ZNF8: variants seen among roughly 807,000 people sequenced by gnomAD.
The protein encoded by ZNF8 is zinc finger protein 272.
A neutral mutation model predicts 12.2 loss-of-function variants in ZNF8; 9 were observed. The observed-to-expected ratio is 0.73, with a 90% CI of 0.44 to 1.28. The LOEUF (loss-of-function observed/expected upper bound fraction) is 1.28. ZNF8 is among the 50% of genes most tolerant of loss of function. The probability of loss-of-function intolerance (pLI) is 0.00; values close to 1 mark genes in which losing one functional copy is unlikely to be tolerated. For synonymous variants in ZNF8, 274 were observed against 282.3 expected, an observed-to-expected ratio of 0.97 and a Z score of 0.30; for missense variants, 664 against 729.1, an observed-to-expected ratio of 0.91 and a Z score of 1.03.
intron 1 of ZNF8, among the ~76,000 whole-genome samples, chr19:58,283,675 C>A (rs945753954): frequency 3.4e-5 from 5 of 149,020 alleles, no homozygotes; most frequent in Admixed American, 6.8e-5. Context: ...TCTTGACTCA[C>A]TGCAAGCTCT....
At chr19:58,291,272 G>C (rs2051417930) in intron 3 of ZNF8, among the ~76,000 whole-genome samples, 1 of 152,092 alleles carries the variant, frequency 6.6e-6, no homozygotes, top group Admixed American at 6.5e-5. Context: ...TTCATCAACT[G>C]CTCACCCTCT....
intron 1 of ZNF8, 65 bp downstream of exon 1, chr19:58,279,212 C>A (rs777033411): frequency 1.9e-6 from 3 of 1,538,832 alleles, no homozygotes; most frequent in East Asian, 2.4e-5. Context: ...CAGACTGACC[C>A]TTTCACCTCG....
intron 1 of ZNF8, among the ~76,000 whole-genome samples, chr19:58,285,053 C>T (rs1412795528): frequency 6.6e-6 from 1 of 152,124 alleles, no homozygotes; most frequent in Non-Finnish European, 1.5e-5. Flanking sequence ...CTTAAACTGG[C>T]CCACTTCTGT....
Position 58,294,630 on chromosome 19 carries a change from G to A in ZNF8, c.822G>A (p.Val274=). The change falls in exon 4 of 4, where the codon GTG becomes GTA. Residue 274 remains valine (V), a synonymous_variant. Coordinates refer to ENST00000621650, the MANE Select transcript of ZNF8 (RefSeq NM_021089.3). This position sits in a 1 kb window ranked among gnomAD's most constrained non-coding sequence, Gnocchi z 5.5. Reference sequence around the variant, plus strand: ...TTAACCATAACGCACACCTCACCGTGCACAAGAGGATTCATACGGGAGAAA... The same window carrying A: ...TTAACCATAACGCACACCTCACCGTACACAAGAGGATTCATACGGGAGAAA... The part of the protein sequence containing the change: ...KSFNHNAHLT[V]HKRIHTGERP... The A allele has an allele frequency of 1.2e-6, 2 of 1,614,164 alleles. No individual in the cohort carries two copies. The highest frequency in any genetic ancestry group is 8.5e-7 in the Non-Finnish European group (1 of 1,180,042).
chr19:58,289,594 C>CCAGAGGAAATG (rs1402308676), intron 3 of ZNF8, among the ~76,000 whole-genome samples: 2 of 151,958 alleles, frequency 1.3e-5, no homozygotes, highest in African/African-American at 4.8e-5. Context: ...CTGACGGCGC[C>CCAGAGGAAATG]CAGAGAGAAT....
chr19:58,279,595 C>G lies in ZNF8; in HGVS notation c.66+448C>G, dbSNP rs1198041204. 3.3e-6 allele frequency: 5 copies of G among 1,533,790 alleles called. No individual in the cohort carries two copies. In the Middle Eastern group the frequency reaches 6.1e-4, roughly 188 times the overall value. The stretch of plus-strand genomic sequence containing the variant: ...GGAGTCAGCGGACACCCACCGGGAC[C>G]CCAGCACCGCGGAGCCCCTGCCCTG... On this transcript the variant is annotated intron_variant, in intron 1 of 3. Coordinates refer to ENST00000621650, the MANE Select transcript of ZNF8 (RefSeq NM_021089.3).
At chr19:58,285,159 T>G (rs1209067036) in intron 1 of ZNF8, among the ~76,000 whole-genome samples, 1 of 150,106 alleles carries the variant, frequency 6.7e-6, no homozygotes, top group Non-Finnish European at 1.5e-5. Flanking sequence ...GTTTTTTTGT[T>G]TTTTTTTTTT....
intron 1 of ZNF8, among the ~76,000 whole-genome samples, chr19:58,283,766 A>AT (rs1170775288): frequency 6.6e-6 from 1 of 151,394 alleles, no homozygotes; most frequent in African/African-American, 2.4e-5. Flanking sequence ...CGCTCGGCTA[A>AT]TTTTTTGTAT....
intron 3 of ZNF8, 107 bp from the exon 4 acceptor site, chr19:58,293,991 G>A: frequency 7.7e-6 from 8 of 1,044,292 alleles, no homozygotes; most frequent in Non-Finnish European, 1.1e-5. Flanking sequence ...ACTTGCCAGG[G>A]CAGCTGGTTA....
chr19:58,289,944 G>A (rs1446266033), intron 3 of ZNF8, among the ~76,000 whole-genome samples: 13 of 151,564 alleles, frequency 8.6e-5, no homozygotes, highest in Non-Finnish European at 1.5e-4. Context: ...ACTACAGGCC[G>A]TGCCACCATG....
rs940170131 is a variant in ZNF8, at chr19:58,279,074, G to T, written c.-8G>T. Reference sequence around the variant, plus strand: ...CCTCAGGCGCTGTCCTTCACTGGGCGATCCAGCATGGACCCCGAGGACGAA... The same window carrying T: ...CCTCAGGCGCTGTCCTTCACTGGGCTATCCAGCATGGACCCCGAGGACGAA... On this transcript the variant is annotated 5_prime_UTR_variant, in exon 1 of 4. Coordinates refer to ENST00000621650, the MANE Select transcript of ZNF8 (RefSeq NM_021089.3). 1 of 1,484,896 alleles carries T rather than the reference G, an allele frequency of 6.7e-7. No homozygotes were observed. The highest frequency in any genetic ancestry group is 1.3e-5 in the South Asian group (1 of 74,330). The allele number at this position is 1,484,896 out of a possible 1,614,324, so 92.0% of individuals were successfully genotyped here.
At chr19:58,285,573 C>A in intron 1 of ZNF8, 144 bp from the exon 2 acceptor site, 1 of 1,150,752 alleles carries the variant, frequency 8.7e-7, no homozygotes. Context: ...CTAATAGGTG[C>A]CCAGTGAGAC....
At chr19:58,288,459 T>C (rs1600456057) in intron 3 of ZNF8, among the ~76,000 whole-genome samples, 3 of 152,258 alleles carry the variant, frequency 2.0e-5, no homozygotes, top group Middle Eastern at 3.4e-3. Flanking sequence ...GGAAGAATTC[T>C]GCCAGCCACA....
At chr19:58,279,206 C>G (rs1420086822) in intron 1 of ZNF8, 59 bp downstream of exon 1, 3 of 1,539,930 alleles carry the variant, frequency 1.9e-6, no homozygotes, top group Admixed American at 3.9e-5. Flanking sequence ...CCCGCGCAGA[C>G]TGACCCTTTC....
Position 58,294,708 on chromosome 19 carries a change from C to T in ZNF8, c.900C>T (p.Leu300=), listed in dbSNP as rs370403611. Reference sequence around the variant, plus strand: ...AAGCCTTCAGCCAGAACTCCTCCCTCGTCCAGCATGAGCGCATCCACACTG... The same window carrying T: ...AAGCCTTCAGCCAGAACTCCTCCCTTGTCCAGCATGAGCGCATCCACACTG... ...CGKAFSQNSS[L]VQHERIHTGD... The change falls in exon 4 of 4, where the codon CTC becomes CTT. Residue 300 remains leucine, a synonymous_variant. Transcript: ENST00000621650. The surrounding 1 kb of genome is among the most constrained non-coding windows in gnomAD (Gnocchi z 5.5). The T allele has an allele frequency of 2.5e-5, 41 of 1,614,014 alleles. No individual in the cohort carries two copies. Among genetic ancestry groups the T allele is most frequent in the African/African-American group, 2.3e-4 (17 of 75,004 alleles).
intron 1 of ZNF8, among the ~76,000 whole-genome samples, chr19:58,284,553 AT>A (rs2051370923): frequency 6.6e-6 from 1 of 152,170 alleles, no homozygotes. Flanking sequence ...AAAAATCAGA[AT>A]TTTTCACGTA....
intron 3 of ZNF8, among the ~76,000 whole-genome samples, chr19:58,293,306 T>G (rs1285322670): frequency 6.6e-6 from 1 of 152,208 alleles, no homozygotes; most frequent in East Asian, 1.9e-4. Context: ...CCTCAGCTCC[T>G]CCATTATCTC....
intron 2 of ZNF8, 98 bp from the exon 3 acceptor site, chr19:58,286,009 GTGC>G: frequency 7.1e-7 from 1 of 1,415,870 alleles, no homozygotes; most frequent in Non-Finnish European, 9.8e-7. Context: ...ATGTTGTGAG[GTGC>G]CCACGTGTCC....
rs1319172729 is a variant in ZNF8 at position 58,286,224 on chromosome 19, G to A, written c.289+19G>A. Reference sequence around the variant, plus strand: ...CATCCAGGTGAGAACCCACTATGTGGGAGCAGCTAATGGGAGCAGCCTAGC... The same window carrying A: ...CATCCAGGTGAGAACCCACTATGTGAGAGCAGCTAATGGGAGCAGCCTAGC... On this transcript the variant is annotated intron_variant, in intron 3 of 3. Transcript: ENST00000621650. The A allele has an allele frequency of 6.2e-7, 1 of 1,610,794 alleles. No individual in the cohort carries two copies. Among genetic ancestry groups the A allele is most frequent in the Non-Finnish European group, 8.5e-7 (1 of 1,177,542 alleles).
Sources: allele counts gnomAD v4.1 joint callset (sites outside exome capture counted in the v4.1 genomes callset), GRCh38; gene constraint gnomAD v4.1.1; non-coding constraint Gnocchi (gnomAD v3.1); transcripts MANE v1.5; gene names NCBI Gene and HGNC (gene_info 2026-07-23, HGNC 2026-07-21).